FAM83H: variants seen among roughly 807,000 people sequenced by gnomAD.
FAM83H encodes scaffolding CK1 anchoring protein H, also known as protein FAM83H.
FAM83H carries 24 observed loss-of-function variants against 30.2 expected under a neutral mutation model. The observed-to-expected ratio is 0.79, with a 90% CI of 0.57 to 1.12. FAM83H has a LOEUF of 1.12. Ranked by LOEUF, FAM83H falls within the 50% of genes most tolerant of loss-of-function variation. FAM83H has a pLI of 0.00. For missense variants in FAM83H, 2,038 were observed against 1,773.9 expected, an observed-to-expected ratio of 1.15 and a Z score of -2.67; for synonymous variants, 1,013 against 821.7, an observed-to-expected ratio of 1.23 and a Z score of -3.98.
At position 143,727,755 on chromosome 8, in the gene FAM83H, C is replaced by T. The variant is rs1193292557; in HGVS notation, c.1706G>A (p.Arg569Lys). The T allele has an allele frequency of 6.7e-7, 1 of 1,492,080 alleles. No individual in the cohort carries two copies. The highest frequency in any genetic ancestry group is 2.2e-5 in the Admixed American group (1 of 45,326). The allele number at this position is 1,492,080 out of a possible 1,614,324, so 92.4% of individuals were successfully genotyped here. Residue 569 changes from arginine (R) to lysine (K), a missense_variant, in exon 5 of 5, where the codon AGG becomes AAG. By Grantham distance (26) the Arg-to-Lys change is conservative (BLOSUM62 2). Coordinates refer to ENST00000388913, the MANE Select transcript of FAM83H (RefSeq NM_198488.5). ...DPAPEAEPER[R>K]GGPEGRAGLR... ...CCCTGCCCGCCCCTCGGGCCCGCCC[C>T]TGCGCTCCGGCTCCGCCTCGGGAGC...
At chr8:143,732,785 T>C (rs1554624816) in intron 1 of FAM83H, 3 of 971,506 alleles carry the variant, frequency 3.1e-6, no homozygotes, top group East Asian at 2.3e-4. Flanking sequence ...GCCCACACAT[T>C]TGCCTACCAA....
At position 143,733,478 on chromosome 8, in the gene FAM83H, G is replaced by A. The variant is rs969574895; in HGVS notation, c.-16+213C>T. ...GGGCCGGCGTCGTGCGGGGGCGCTC[G>A]CGTCCATATCCGCACAGCGGCGCCC... On this transcript the variant is annotated intron_variant, in intron 1 of 4. Coordinates refer to ENST00000388913, the MANE Select transcript of FAM83H (RefSeq NM_198488.5). The surrounding 1 kb of genome is among the most constrained non-coding windows in gnomAD (Gnocchi z 5.6). 6.6e-6 allele frequency among the ~76,000 whole-genome samples: 1 copy of A among 152,028 alleles called. No homozygotes were observed. The highest frequency in any genetic ancestry group is 1.5e-5 in the Non-Finnish European group (1 of 67,958).
rs1472305067 is a variant in FAM83H at position 143,733,776 on chromosome 8, C to T, written c.-101G>A. 6.7e-6 allele frequency: 1 copy of T among 148,988 alleles called. No homozygotes were observed. The highest frequency in any genetic ancestry group is 1.9e-4 in the East Asian group (1 of 5,142). The allele number at this position is 148,988 out of a possible 1,614,324, so 9.2% of individuals were successfully genotyped here. Reference sequence around the variant, plus strand: ...CTCGCGGTCCGGTCGGTCCGGCAGCCACTCCCTGCCGCGGCCCGCCCGGCC... The same window carrying T: ...CTCGCGGTCCGGTCGGTCCGGCAGCTACTCCCTGCCGCGGCCCGCCCGGCC... On this transcript the variant is annotated 5_prime_UTR_variant, in exon 1 of 5. Coordinates refer to ENST00000388913, the MANE Select transcript of FAM83H (RefSeq NM_198488.5). The surrounding 1 kb of genome is among the most constrained non-coding windows in gnomAD (Gnocchi z 5.6).
Position 143,725,861 on chromosome 8 carries a change from C to A in FAM83H, c.*60G>T. On this transcript the variant is annotated 3_prime_UTR_variant, in exon 5 of 5. Transcript: ENST00000388913. ...GAGCAGGGCTCTCTGTTCCGCGGGGCTTCTGGATGACCGGGGCAGCGATGC... is the reference window on the plus strand; with the variant it reads ...GAGCAGGGCTCTCTGTTCCGCGGGGATTCTGGATGACCGGGGCAGCGATGC... 6.3e-7 allele frequency: 1 copy of A among 1,592,642 alleles called. No homozygotes were observed. Among genetic ancestry groups the A allele is most frequent in the Non-Finnish European group, 8.6e-7 (1 of 1,168,836 alleles).
chr8:143,727,010 C>T lies in FAM83H; in HGVS notation c.2451G>A (p.Ala817=), dbSNP rs1391838592. The change falls in exon 5 of 5, where the codon GCG becomes GCA. Residue 817 remains alanine, a synonymous_variant. Transcript: ENST00000388913. ...RQPGAASLTA[A]QLLDTLGRSG... ...TCCGGCCCAGTGTGTCGAGCAGCTG[C>T]GCCGCGGTGAGCGACGCGGCTCCCG... 4 of 1,578,612 alleles carry T rather than the reference C, an allele frequency of 2.5e-6. No individual in the cohort carries two copies. Among genetic ancestry groups the T allele is most frequent in the Non-Finnish European group, 3.4e-6 (4 of 1,165,330 alleles).
In FAM83H at chr8:143,725,975, G is replaced by C; in HGVS notation, c.3486C>G (p.Ser1162Arg). Residue 1162 changes from serine (S) to arginine (R), a missense_variant, in exon 5 of 5, where the codon AGC becomes AGG. Physicochemically the swap from Ser to Arg is moderately radical, Grantham distance 110 (BLOSUM62 -1). Transcript: ENST00000388913. ...TCTTGGGCACGAACTTGCCCACCTT[G>C]CTGTCCCTGGTGCCCTCCTCCGCGG... ...EGPAEEGTRD[S>R]KVGKFVPKIL... The C allele has an allele frequency of 6.2e-7, 1 of 1,613,054 alleles. No individual in the cohort carries two copies. The highest frequency in any genetic ancestry group is 8.5e-7 in the Non-Finnish European group (1 of 1,179,956).
At chr8:143,729,612 C>T (rs1204427206) in intron 2 of FAM83H, among the ~76,000 whole-genome samples, 2 of 152,218 alleles carry the variant, frequency 1.3e-5, no homozygotes, top group Non-Finnish European at 2.9e-5. Flanking sequence ...CCTCAATCCC[C>T]TCCACCCTAC....
In FAM83H at chr8:143,725,731, G is replaced by A. The variant is rs1030031476; in HGVS notation, c.*190C>T. 1.2e-5 allele frequency: 11 copies of A among 954,226 alleles called. No homozygotes were observed. The highest frequency in any genetic ancestry group is 1.5e-5 in the Non-Finnish European group (10 of 654,016). The allele number at this position is 954,226 out of a possible 1,614,324, so 59.1% of individuals were successfully genotyped here. On this transcript the variant is annotated 3_prime_UTR_variant, in exon 5 of 5. Transcript: ENST00000388913. ...CAGCCCCAGCGTTGGGGAGGCCAGG[G>A]GGCAGAGACGGCAGCTGCCAGGTGA...
intron 1 of FAM83H, chr8:143,731,441 C>T: frequency 1.0e-6 from 1 of 985,378 alleles, no homozygotes; most frequent in Non-Finnish European, 1.2e-6. Context: ...AACCTTAAGC[C>T]CCACACATAG....
intron 2 of FAM83H, 54 bp downstream of exon 2, chr8:143,730,082 C>T (rs537485695): frequency 2.4e-5 from 34 of 1,426,204 alleles, no homozygotes; most frequent in Non-Finnish European, 2.8e-5. Flanking sequence ...CCTCCACCCC[C>T]GTGCCTCTAG....
At chr8:143,730,091 A>G (rs1818459175) in intron 2 of FAM83H, 45 bp downstream of exon 2, 1 of 1,464,160 alleles carries the variant, frequency 6.8e-7, no homozygotes, top group African/African-American at 1.4e-5. Context: ...CCGTGCCTCT[A>G]GCCCAGGCCC....
In FAM83H at chr8:143,730,250, C is replaced by G. The variant is rs1554624049; in HGVS notation, c.333G>C (p.Trp111Cys). Residue 111 changes from tryptophan (W) to cysteine (C), a missense_variant, in exon 2 of 5, where the codon TGG becomes TGC. Trp to Cys is a radical substitution (Grantham distance 215, BLOSUM62 -2). Transcript: ENST00000388913. ...DQAVPELDLG[W>C]PLTFGFQGTE... The stretch of plus-strand genomic sequence containing the variant: ...TGCCCTGGAAGCCGAAGGTCAGAGG[C>G]CAGCCCAAATCAAGCTCAGGCACGG... 1 of 1,613,520 alleles carries G rather than the reference C, an allele frequency of 6.2e-7. No individual in the cohort carries two copies. Among genetic ancestry groups the G allele is most frequent in the Non-Finnish European group, 8.5e-7 (1 of 1,179,984 alleles).
chr8:143,732,582 C>A, intron 1 of FAM83H: 1 of 985,372 alleles, frequency 1.0e-6, no homozygotes, highest in South Asian at 4.7e-5. Context: ...GGGGCAGGGA[C>A]CATCCAGACA....
In FAM83H at chr8:143,730,546, T is replaced by C; in HGVS notation, c.37A>G (p.Asn13Asp). The change falls in exon 2 of 5, where the codon AAC becomes GAC. Residue 13 changes from asparagine to aspartate, a missense_variant. By Grantham distance (23) the Asn-to-Asp change is conservative. Transcript: ENST00000388913. ...GGCAGGTACCCGGGTGCCAGTGGGT[T>C]GTCCCCCTGCGAGGAGCTCTGAGAG... ...RRSQSSSQGD[N>D]PLAPGYLPPH... 1 of 1,568,508 alleles carries C rather than the reference T, an allele frequency of 6.4e-7. No homozygotes were observed. Among genetic ancestry groups the C allele is most frequent in the Non-Finnish European group, 8.7e-7 (1 of 1,156,068 alleles).
chr8:143,728,291 G>A lies in FAM83H; in HGVS notation c.1170C>T (p.Leu390=), dbSNP rs1287589857. The part of the protein sequence containing the change: ...LEAEAGPAGE[L]AGARGFFQAR... Reference sequence around the variant, plus strand: ...CCTGGAAGAAGCCCCGCGCGCCCGCGAGCTCCCCAGCCGGCCCGGCCTCGG... The same window carrying A: ...CCTGGAAGAAGCCCCGCGCGCCCGCAAGCTCCCCAGCCGGCCCGGCCTCGG... The change falls in exon 5 of 5, where the codon CTC becomes CTT. Residue 390 remains leucine (L), a synonymous_variant. Transcript: ENST00000388913. 9.3e-6 allele frequency: 14 copies of A among 1,503,832 alleles called. No homozygotes were observed. In the Admixed American group the frequency reaches 1.9e-4, roughly 21 times the overall value. 93.2% of individuals were successfully genotyped at this position (1,503,832 alleles called of 1,614,324 possible).
At chr8:143,731,343 C>T (rs1407726411) in intron 1 of FAM83H, 1 of 985,256 alleles carries the variant, frequency 1.0e-6, no homozygotes, top group Non-Finnish European at 1.2e-6. Context: ...CTCTACTGCA[C>T]AACACAGCTG....
Position 143,727,793 on chromosome 8 carries a change from C to T in FAM83H, c.1668G>A (p.Pro556=). The change falls in exon 5 of 5, where the codon CCG becomes CCA. Residue 556 remains proline, a synonymous_variant. Transcript: ENST00000388913. ...QRFPCQAAAR[P]GPDPAPEAEP... Reference sequence around the variant, plus strand: ...CCGCCTCGGGAGCGGGGTCTGGGCCCGGCCTCGCCGCGGCCTGGCATGGGA... The same window carrying T: ...CCGCCTCGGGAGCGGGGTCTGGGCCTGGCCTCGCCGCGGCCTGGCATGGGA... 2 of 1,352,902 alleles carry T rather than the reference C, an allele frequency of 1.5e-6. No homozygotes were observed. Among genetic ancestry groups the T allele is most frequent in the Non-Finnish European group, 1.9e-6 (2 of 1,061,946 alleles). 83.8% of individuals were successfully genotyped at this position (1,352,902 alleles called of 1,614,324 possible).
rs782171766 is a variant in FAM83H at position 143,728,206 on chromosome 8, C to A, written c.1255G>T (p.Ala419Ser). The change falls in exon 5 of 5, where the codon GCC (alanine) becomes TCC (serine). Residue 419 changes from alanine (A) to serine (S), a missense_variant. Ala to Ser is a moderately conservative substitution (Grantham distance 99). Transcript: ENST00000388913. Reference sequence around the variant, plus strand: ...CGCGCGGCCGCGAAGTTCTCCACGGCGCCCGCGCCCTCGGTCGCGAAGCTG... The same window carrying A: ...CGCGCGGCCGCGAAGTTCTCCACGGAGCCCGCGCCCTCGGTCGCGAAGCTG... Reference protein sequence around the residue: ...RHSFATEGAGAVENFAAARQV... With the variant: ...RHSFATEGAGSVENFAAARQV... 1.9e-6 allele frequency: 3 copies of A among 1,600,692 alleles called. No homozygotes were observed. The highest frequency in any genetic ancestry group is 2.5e-6 in the Non-Finnish European group (3 of 1,177,346).
rs1255997286 is a variant in FAM83H at position 143,733,431 on chromosome 8, C to G, written c.-16+260G>C. On this transcript the variant is annotated intron_variant, in intron 1 of 4. Transcript: ENST00000388913. The surrounding 1 kb of genome is among the most constrained non-coding windows in gnomAD (Gnocchi z 5.6). ...GGCAGGCTCGACCCGGATCCCGGGC[C>G]CCTTCCCCCTCGGCTCTTTTCGGGC... Among the ~76,000 whole-genome samples, 4 of 152,164 alleles carry G rather than the reference C, an allele frequency of 2.6e-5. No homozygotes were observed. The highest frequency in any genetic ancestry group is 4.1e-4 in the South Asian group (2 of 4,838).
Sources: gnomAD v4.1 joint callset for allele counts (sites outside exome capture counted in the v4.1 genomes callset) on GRCh38, gnomAD v4.1.1 for gene constraint, Gnocchi (gnomAD v3.1) non-coding constraint, MANE v1.5 for transcripts, NCBI Gene and HGNC (gene_info 2026-07-23, HGNC 2026-07-21) for gene names.